The following IL16 variants were observed in gnomAD, a reference collection of about 807,000 sequenced individuals.
IL16 encodes the protein pro-interleukin-16.
IL16 carries 67 observed loss-of-function variants against 110.1 expected under a neutral mutation model. That is an observed-to-expected ratio of 0.61 (90% CI 0.50 to 0.75). IL16 has a LOEUF of 0.75. IL16 is among the 30% of genes least tolerant of loss of function. IL16 has a pLI of 0.00. For synonymous variants in IL16, 689 were observed against 662.9 expected (o/e 1.04, Z -0.61); for missense variants, 1,545 against 1,655.0 (o/e 0.93, Z 1.15).
chr15:81,228,266 C>G (rs1433755059), intron 2 of IL16, among the ~76,000 whole-genome samples: 1 of 151,092 alleles, frequency 6.6e-6, no homozygotes, highest in Non-Finnish European at 1.5e-5. Flanking sequence ...GGGACCCGGG[C>G]AGGGGAAAGA....
At chr15:81,271,572 G>A (rs11853837) in intron 5 of IL16, among the ~76,000 whole-genome samples, 32,924 of 151,924 alleles carry the variant, frequency 0.22, 3,789 homozygotes, top group African/African-American at 0.28. Flanking sequence ...GTGAGGAGCC[G>A]AACCAAGGCA....
chr15:81,241,343 G>T (rs114841947), intron 2 of IL16, among the ~76,000 whole-genome samples: 1,640 of 151,936 alleles, frequency 0.011, 21 homozygotes, highest in African/African-American at 0.038. Context: ...AGACTTGAAA[G>T]TTTGATACTG....
chr15:81,184,170 G>T (rs1258767957), intron 1 of IL16, among the ~76,000 whole-genome samples: 15 of 152,178 alleles, frequency 9.9e-5, no homozygotes, highest in Admixed American at 9.8e-4. Flanking sequence ...TCGAGGGTGG[G>T]ACTTGACCTG....
chr15:81,225,591 AG>A lies in IL16; in HGVS notation c.193del (p.Asp65ThrfsTer13), dbSNP rs1896761228. On this transcript the variant is annotated frameshift_variant, in exon 2 of 19. Transcript: ENST00000683961. LOFTEE classifies it high-confidence loss of function. ...GIFHSSVQLA[D>X]TSEAGPSSVP... ...TTTTCCACTCATCTGTGCAGCTGGCAGACACATCGGAGGCTGGGCCCAGCAG... is the reference window on the plus strand; with the variant it reads ...TTTTCCACTCATCTGTGCAGCTGGCAACACATCGGAGGCTGGGCCCAGCAG... 2 of 1,614,106 alleles carry A rather than the reference AG, an allele frequency of 1.2e-6. No individual in the cohort carries two copies. Among genetic ancestry groups the A allele is most frequent in the South Asian group, 1.1e-5 (1 of 91,074 alleles).
At chr15:81,272,555 G>A (rs894270627) in intron 5 of IL16, among the ~76,000 whole-genome samples, 8 of 152,220 alleles carry the variant, frequency 5.3e-5, no homozygotes, top group Admixed American at 3.3e-4. Flanking sequence ...GGGAGAGCAC[G>A]TGATTGGAGG....
intron 1 of IL16, among the ~76,000 whole-genome samples, chr15:81,210,431 A>G (rs931571171): frequency 3.3e-5 from 5 of 152,234 alleles, no homozygotes; most frequent in Non-Finnish European, 7.3e-5. Flanking sequence ...AATAGCATTC[A>G]ATCTTTAAAT....
At chr15:81,274,150 A>G (rs1452400067) in intron 6 of IL16, among the ~76,000 whole-genome samples, 4 of 152,212 alleles carry the variant, frequency 2.6e-5, no homozygotes, top group African/African-American at 4.8e-5. Flanking sequence ...TCTATAAGCT[A>G]TGCTGGGAGC....
intron 6 of IL16, among the ~76,000 whole-genome samples, chr15:81,276,955 A>G (rs1177180706): frequency 1.3e-5 from 2 of 152,200 alleles, no homozygotes; most frequent in African/African-American, 4.8e-5. Flanking sequence ...AAGAGACTAT[A>G]GAATTGCTAT....
intron 2 of IL16, among the ~76,000 whole-genome samples, chr15:81,231,802 T>C (rs1337282989): frequency 1.3e-5 from 2 of 152,220 alleles, no homozygotes; most frequent in Non-Finnish European, 2.9e-5. Context: ...GCTAACTTTT[T>C]TCCTACGTGA....
At chr15:81,245,724 C>CTTGTTTTTTT in intron 2 of IL16, among the ~76,000 whole-genome samples, 1 of 61,282 alleles carries the variant, frequency 1.6e-5, no homozygotes, top group South Asian at 7.4e-4. Flanking sequence ...TTTGTTTTGG[C>CTTGTTTTTTT]TTTTTTTTTT....
chr15:81,228,841 G>A (rs115791523), intron 2 of IL16, among the ~76,000 whole-genome samples: 5 of 152,134 alleles, frequency 3.3e-5, no homozygotes, highest in Admixed American at 6.5e-5. Context: ...TCTGCCTTTC[G>A]CAGTTACTAG....
At chr15:81,191,137 A>G (rs752952234) in intron 1 of IL16, among the ~76,000 whole-genome samples, 1 of 152,198 alleles carries the variant, frequency 6.6e-6, no homozygotes, top group Non-Finnish European at 1.5e-5. Flanking sequence ...CCAAGGTTCT[A>G]TATCTCTGAG....
At chr15:81,269,916 T>C (rs1348906198) in intron 5 of IL16, among the ~76,000 whole-genome samples, 1 of 152,236 alleles carries the variant, frequency 6.6e-6, no homozygotes, top group Non-Finnish European at 1.5e-5. Context: ...GTTCTCTAAT[T>C]CATTCCTGGC....
chr15:81,203,079 T>C (rs1895879580), intron 1 of IL16, among the ~76,000 whole-genome samples: 1 of 152,100 alleles, frequency 6.6e-6, no homozygotes, highest in South Asian at 2.1e-4. Context: ...TGGCCAGTGA[T>C]GATGAGCACT....
intron 1 of IL16, among the ~76,000 whole-genome samples, chr15:81,221,513 T>C (rs2142023945): frequency 6.6e-6 from 1 of 152,306 alleles, no homozygotes; most frequent in Admixed American, 6.5e-5. Flanking sequence ...TCCAATGTCC[T>C]GAGCTCAATT....
rs1898877369 is a variant in IL16 at position 81,275,633 on chromosome 15, C to T, written c.790+2429C>T. 1.3e-5 allele frequency among the ~76,000 whole-genome samples: 2 copies of T among 152,016 alleles called. 1 individual carries two copies. Among genetic ancestry groups the T allele is most frequent in the South Asian group, 4.2e-4 (2 of 4,814 alleles). ...TGAATGTAAGCCTGCCCAAGCCAAACTTTTTATTTTTTCTGAGCATTTGCC... is the reference window on the plus strand; with the variant it reads ...TGAATGTAAGCCTGCCCAAGCCAAATTTTTTATTTTTTCTGAGCATTTGCC... On this transcript the variant is annotated intron_variant, in intron 6 of 18. Transcript: ENST00000683961.
intron 2 of IL16, among the ~76,000 whole-genome samples, chr15:81,250,912 C>G (rs1567018760): frequency 6.6e-6 from 1 of 152,166 alleles, no homozygotes; most frequent in Admixed American, 6.6e-5. Flanking sequence ...AGAGAAGTAT[C>G]CTGTTAAACT....
At chr15:81,299,318 T>C in intron 13 of IL16, 62 bp from the exon 14 acceptor site, 3 of 1,601,224 alleles carry the variant, frequency 1.9e-6, no homozygotes, top group Non-Finnish European at 2.5e-6. Context: ...GAAACTAGAA[T>C]TTAGGAAGAA....
chr15:81,234,717 T>C (rs1418069954), intron 2 of IL16, among the ~76,000 whole-genome samples: 1 of 152,262 alleles, frequency 6.6e-6, no homozygotes, highest in Non-Finnish European at 1.5e-5. Context: ...GTAAGATCAC[T>C]TCCTTTCTGC....
Sources: gnomAD v4.1 joint callset for allele counts (sites outside exome capture counted in the v4.1 genomes callset) on GRCh38, gnomAD v4.1.1 for gene constraint, MANE v1.5 for transcripts, NCBI Gene and HGNC (gene_info 2026-07-23, HGNC 2026-07-21) for gene names.